FOXO3: variants seen among roughly 807,000 people sequenced by gnomAD.
FOXO3 encodes the protein forkhead box protein O3.
FOXO3 carries 4 observed loss-of-function variants against 41.9 expected under a neutral mutation model. The observed-to-expected ratio is 0.10, with a 90% CI of 0.05 to 0.22. The LOEUF is 0.22. FOXO3 is among the 10% of genes least tolerant of loss of function. The pLI, the probability that FOXO3 is intolerant of heterozygous loss-of-function variation, is 1.00. For synonymous variants in FOXO3, 318 were observed against 389.3 expected, an observed-to-expected ratio of 0.82 and a Z score of 2.16; for missense variants, 534 against 906.8, an observed-to-expected ratio of 0.59 and a Z score of 5.28.
intron 2 of FOXO3, among the ~76,000 whole-genome samples, chr6:108,672,488 G>T (rs1034059717): frequency 1.3e-5 from 2 of 151,312 alleles, no homozygotes; most frequent in Non-Finnish European, 2.9e-5. Context: ...CAGGTCTTTT[G>T]TGTCTTTCCT....
At chr6:108,587,976 CTG>C (rs1562235236) in intron 1 of FOXO3, among the ~76,000 whole-genome samples, 2 of 152,348 alleles carry the variant, frequency 1.3e-5, no homozygotes, top group African/African-American at 4.8e-5. Context: ...AGCTTCTTGT[CTG>C]TGTAGCGTCC....
intron 1 of FOXO3, among the ~76,000 whole-genome samples, chr6:108,593,677 C>A (rs1338138339): frequency 1.3e-5 from 2 of 149,580 alleles, no homozygotes; most frequent in African/African-American, 2.5e-5. Flanking sequence ...TGAACCCGGC[C>A]GCCTTGCTGT....
At chr6:108,646,372 T>TAGTAGAA (rs1778393542) in intron 1 of FOXO3, among the ~76,000 whole-genome samples, 1 of 152,348 alleles carries the variant, frequency 6.6e-6, no homozygotes, top group South Asian at 2.1e-4. Flanking sequence ...AGTAGTCTGT[T>TAGTAGAA]CTACTAAGTC....
At chr6:108,608,495 TA>T (rs562730480) in intron 1 of FOXO3, among the ~76,000 whole-genome samples, 3 of 152,050 alleles carry the variant, frequency 2.0e-5, no homozygotes, top group South Asian at 2.1e-4. Context: ...CTTTTTGGGT[TA>T]AAAAAAACAA....
intron 1 of FOXO3, 82 bp from the exon 2 acceptor site, chr6:108,663,373 G>A: frequency 6.6e-7 from 1 of 1,509,486 alleles, no homozygotes; most frequent in Non-Finnish European, 8.8e-7. Flanking sequence ...AAATGAATGA[G>A]GAGTCTGATT....
At chr6:108,593,990 A>T (rs1343931867) in intron 1 of FOXO3, among the ~76,000 whole-genome samples, 1 of 151,948 alleles carries the variant, frequency 6.6e-6, no homozygotes, top group African/African-American at 2.4e-5. Flanking sequence ...AAGTCCTGGA[A>T]TTACAGGTGT....
At chr6:108,610,331 T>C (rs1479940150) in intron 1 of FOXO3, among the ~76,000 whole-genome samples, 1 of 152,148 alleles carries the variant, frequency 6.6e-6, no homozygotes, top group Non-Finnish European at 1.5e-5. Flanking sequence ...CTGGACTCCT[T>C]ATCAGGAACT....
intron 1 of FOXO3, among the ~76,000 whole-genome samples, chr6:108,601,939 C>T (rs973869354): frequency 9.2e-5 from 14 of 152,064 alleles, no homozygotes; most frequent in African/African-American, 3.4e-4. Context: ...TTGAATAAAG[C>T]CTTGTGCTAT....
intron 1 of FOXO3, among the ~76,000 whole-genome samples, chr6:108,640,530 T>A (rs1339210482): frequency 6.6e-6 from 1 of 152,244 alleles, no homozygotes; most frequent in Non-Finnish European, 1.5e-5. Context: ...GAGCATTTCA[T>A]ATAAATACAT....
At chr6:108,577,916 C>A (rs1257287553) in intron 1 of FOXO3, among the ~76,000 whole-genome samples, 1 of 152,110 alleles carries the variant, frequency 6.6e-6, no homozygotes, top group Non-Finnish European at 1.5e-5. Context: ...CATGTGATGT[C>A]TTTAGTTTCC....
chr6:108,624,092 A>G (rs902754671), intron 1 of FOXO3, among the ~76,000 whole-genome samples: 4 of 152,154 alleles, frequency 2.6e-5, no homozygotes, highest in African/African-American at 9.7e-5. Context: ...TCATCTCATG[A>G]ATCTGTTTGA....
At chr6:108,647,086 A>G (rs1304784843) in intron 1 of FOXO3, among the ~76,000 whole-genome samples, 1 of 152,236 alleles carries the variant, frequency 6.6e-6, no homozygotes, top group Non-Finnish European at 1.5e-5. Context: ...TCCAAGTAGT[A>G]TTTAAATTTT....
intron 2 of FOXO3, among the ~76,000 whole-genome samples, chr6:108,665,145 G>A (rs921678782): frequency 4.6e-5 from 7 of 152,176 alleles, no homozygotes; most frequent in African/African-American, 9.7e-5. Flanking sequence ...GAACACGTAC[G>A]CATTCAGAGA....
At chr6:108,575,465 T>A (rs533815203) in intron 1 of FOXO3, among the ~76,000 whole-genome samples, 2 of 152,206 alleles carry the variant, frequency 1.3e-5, no homozygotes, top group South Asian at 4.1e-4. Flanking sequence ...TAAAACACTT[T>A]CCTTAGATCT....
At chr6:108,616,782 C>T (rs532960288) in intron 1 of FOXO3, among the ~76,000 whole-genome samples, 5 of 152,244 alleles carry the variant, frequency 3.3e-5, no homozygotes, top group South Asian at 2.1e-4. Context: ...TATCCATTAG[C>T]GGTCATTTCC....
intron 1 of FOXO3, among the ~76,000 whole-genome samples, chr6:108,567,661 A>G (rs770181834): frequency 2.0e-5 from 3 of 152,142 alleles, no homozygotes; most frequent in Non-Finnish European, 4.4e-5. Flanking sequence ...TATAATTTTA[A>G]CACTTTGGGA....
At chr6:108,662,585 T>TG (rs1778901382) in intron 1 of FOXO3, among the ~76,000 whole-genome samples, 1 of 152,190 alleles carries the variant, frequency 6.6e-6, no homozygotes, top group Non-Finnish European at 1.5e-5. Context: ...CAGGATGAGA[T>TG]GGAGTCATAG....
intron 1 of FOXO3, among the ~76,000 whole-genome samples, chr6:108,658,632 A>G (rs1778757292): frequency 6.6e-6 from 1 of 150,754 alleles, no homozygotes; most frequent in Non-Finnish European, 1.5e-5. Context: ...CACGTTGGCC[A>G]GCGTGGTCTC....
chr6:108,635,720 A>G (rs1778103802), intron 1 of FOXO3, among the ~76,000 whole-genome samples: 1 of 152,128 alleles, frequency 6.6e-6, no homozygotes, highest in Admixed American at 6.5e-5. Context: ...ACAGTTGCAT[A>G]ATGGGGGAAG....
Sources: gnomAD v4.1 joint callset for allele counts (sites outside exome capture counted in the v4.1 genomes callset) on GRCh38, gnomAD v4.1.1 for gene constraint, MANE v1.5 for transcripts, NCBI Gene and HGNC (gene_info 2026-07-23, HGNC 2026-07-21) for gene names.